DSCAM: variants seen among roughly 807,000 people sequenced by gnomAD.
The protein encoded by DSCAM is cell adhesion molecule DSCAM.
Under a neutral mutation model 217.7 loss-of-function variants are expected in DSCAM, and 47 were observed. That is an observed-to-expected ratio of 0.22 (90% CI 0.17 to 0.28). The LOEUF (loss-of-function observed/expected upper bound fraction) is 0.28, where lower values mean the gene tolerates loss of function less well. Ranked by LOEUF, DSCAM falls within the 10% of genes least tolerant of loss-of-function variation. The pLI is 1.00. For missense variants in DSCAM, 2,080 were observed against 2,618.3 expected (o/e 0.79, Z 4.49); for synonymous variants, 1,056 against 1,015.3 (o/e 1.04, Z -0.76).
chr21:40,455,081 G>C (rs946342844), intron 3 of DSCAM, among the ~76,000 whole-genome samples: 5 of 152,124 alleles, frequency 3.3e-5, no homozygotes, highest in African/African-American at 9.7e-5. Context: ...TAAACCTTTT[G>C]CAAGTACCTG....
chr21:40,737,111 C>A (rs1231412996), intron 1 of DSCAM, among the ~76,000 whole-genome samples: 5 of 152,156 alleles, frequency 3.3e-5, no homozygotes, highest in Non-Finnish European at 7.3e-5. Context: ...GGACAATAGA[C>A]AATATTTTCC....
intron 18 of DSCAM, among the ~76,000 whole-genome samples, chr21:40,139,008 T>C (rs1349225043): frequency 7.2e-6 from 1 of 139,706 alleles, no homozygotes; most frequent in African/African-American, 2.8e-5. Context: ...GTGTGGTGTA[T>C]GTGTGGTGTG....
At chr21:40,386,402 CGCCCTTTGCTTCA>C (rs2075085438) in intron 3 of DSCAM, among the ~76,000 whole-genome samples, 1 of 152,198 alleles carries the variant, frequency 6.6e-6, no homozygotes, top group Non-Finnish European at 1.5e-5. Context: ...TGTGAATGAA[CGCCCTTTGCTTCA>C]AAGGCACCTG....
At chr21:40,390,079 G>A (rs2075120363) in intron 3 of DSCAM, among the ~76,000 whole-genome samples, 1 of 152,174 alleles carries the variant, frequency 6.6e-6, no homozygotes, top group African/African-American at 2.4e-5. Flanking sequence ...CTGCACGCAT[G>A]GACAGGGTGG....
intron 3 of DSCAM, among the ~76,000 whole-genome samples, chr21:40,576,616 A>G (rs2076852399): frequency 6.6e-6 from 1 of 152,176 alleles, no homozygotes; most frequent in African/African-American, 2.4e-5. Context: ...ACAGGAGAAC[A>G]GAGACAAGTT....
intron 3 of DSCAM, among the ~76,000 whole-genome samples, chr21:40,563,723 T>C (rs1349097632): frequency 6.8e-6 from 1 of 147,372 alleles, no homozygotes; most frequent in Non-Finnish European, 1.5e-5. Context: ...TATGTTTATA[T>C]ATGTTTATAT....
chr21:40,174,046 T>C (rs2090690223), intron 15 of DSCAM, among the ~76,000 whole-genome samples: 1 of 152,220 alleles, frequency 6.6e-6, no homozygotes, highest in African/African-American at 2.4e-5. Context: ...AAGGGTTAGC[T>C]GTGAATGTCA....
chr21:40,224,482 C>T (rs897360722), intron 11 of DSCAM, among the ~76,000 whole-genome samples: 6 of 152,158 alleles, frequency 3.9e-5, no homozygotes, highest in Non-Finnish European at 5.9e-5. Flanking sequence ...TCATCAGAAA[C>T]ATAAGAAGTC....
At chr21:40,108,513 A>T (rs1187343459) in intron 20 of DSCAM, among the ~76,000 whole-genome samples, 1 of 152,256 alleles carries the variant, frequency 6.6e-6, no homozygotes, top group Non-Finnish European at 1.5e-5. Context: ...TGACACAAAC[A>T]AATGGAAAAA....
intron 11 of DSCAM, among the ~76,000 whole-genome samples, chr21:40,253,893 G>A (rs1286788392): frequency 6.6e-6 from 1 of 152,202 alleles, no homozygotes; most frequent in African/African-American, 2.4e-5. Flanking sequence ...CCTGAATGCT[G>A]TAAGAGGTTC....
chr21:40,084,067 A>G, intron 23 of DSCAM, 61 bp from the exon 24 acceptor site: 3 of 1,376,252 alleles, frequency 2.2e-6, no homozygotes, highest in Non-Finnish European at 3.0e-6. Context: ...AACTTTCCTG[A>G]ACAGTCATTT....
At chr21:40,035,767 A>C (rs1305648977) in intron 32 of DSCAM, among the ~76,000 whole-genome samples, 1 of 149,318 alleles carries the variant, frequency 6.7e-6, no homozygotes, top group Non-Finnish European at 1.5e-5. Context: ...ACTTGGAAGT[A>C]AAGCTCTCCT....
intron 3 of DSCAM, among the ~76,000 whole-genome samples, chr21:40,420,948 A>G (rs913596929): frequency 6.6e-6 from 1 of 152,152 alleles, no homozygotes; most frequent in Admixed American, 6.6e-5. Context: ...TTTCGCTGTA[A>G]GCCACTCACT....
chr21:40,092,117 C>T (rs953700604), intron 21 of DSCAM, among the ~76,000 whole-genome samples: 9 of 152,150 alleles, frequency 5.9e-5, no homozygotes, highest in Non-Finnish European at 1.2e-4. Flanking sequence ...TTATTCTAGA[C>T]AATAGGATAT....
chr21:40,280,565 C>T (rs1418748584), intron 10 of DSCAM, among the ~76,000 whole-genome samples: 1 of 152,094 alleles, frequency 6.6e-6, no homozygotes, highest in Non-Finnish European at 1.5e-5. Context: ...AAGCTATTTA[C>T]TAGTTTACTT....
chr21:40,762,116 A>G (rs2091341731), intron 1 of DSCAM, among the ~76,000 whole-genome samples: 4 of 152,206 alleles, frequency 2.6e-5, no homozygotes, highest in Non-Finnish European at 5.9e-5. Context: ...AGATCAGAGC[A>G]GAACTGAAGG....
chr21:40,607,984 G>T (rs1304764007), intron 3 of DSCAM, among the ~76,000 whole-genome samples: 1 of 152,112 alleles, frequency 6.6e-6, no homozygotes, highest in Non-Finnish European at 1.5e-5. Flanking sequence ...GCAGTGAAGA[G>T]TGAGTGAGGA....
intron 11 of DSCAM, among the ~76,000 whole-genome samples, chr21:40,198,714 C>A (rs2091040500): frequency 6.6e-6 from 1 of 152,198 alleles, no homozygotes; most frequent in Admixed American, 6.5e-5. Flanking sequence ...CTCCAGGGGG[C>A]AGGAAAGTGA....
chr21:40,845,064 C>T (rs891046019), intron 1 of DSCAM, among the ~76,000 whole-genome samples: 1 of 152,152 alleles, frequency 6.6e-6, no homozygotes, highest in Admixed American at 6.5e-5. Flanking sequence ...CTGACTTCCC[C>T]GACACATCTC....
Sources: allele counts gnomAD v4.1 joint callset (sites outside exome capture counted in the v4.1 genomes callset), GRCh38; gene constraint gnomAD v4.1.1; transcripts MANE v1.5; gene names NCBI Gene and HGNC (gene_info 2026-07-23, HGNC 2026-07-21).